The following ZNF570 variants were observed in gnomAD, a reference collection of about 807,000 sequenced individuals.
The protein encoded by ZNF570 is zinc finger protein 570.
ZNF570 carries 8 observed loss-of-function variants against 14.2 expected under a neutral mutation model. That is an observed-to-expected ratio of 0.56 (90% CI 0.33 to 1.02). The LOEUF (loss-of-function observed/expected upper bound fraction) is 1.02, where lower values mean the gene tolerates loss of function less well. Among genes scored for constraint, ZNF570 ranks in the 50% least tolerant of loss-of-function variants. The pLI, the probability that ZNF570 is intolerant of heterozygous loss-of-function variation, is 0.03. For synonymous variants in ZNF570, 202 were observed against 207.6 expected (o/e 0.97, Z 0.23); for missense variants, 559 against 624.9 (o/e 0.89, Z 1.12).
Position 37,485,743 on chromosome 19 carries a change from A to G in ZNF570, c.*510A>G, listed in dbSNP as rs1283913046. On this transcript the variant is annotated 3_prime_UTR_variant, in exon 5 of 5. Transcript: ENST00000330173. ...CAGCCTCAAAGTGTTCTTTTTAAAG[A>G]ATAAGAAAACACACATGGGCTGGGT... The G allele has an allele frequency of 6.6e-6, 1 of 152,278 alleles. No homozygotes were observed. Among genetic ancestry groups the G allele is most frequent in the Non-Finnish European group, 1.5e-5 (1 of 68,218 alleles). 9.4% of individuals were successfully genotyped at this position (152,278 alleles called of 1,614,324 possible).
chr19:37,484,112 G>A lies in ZNF570; in HGVS notation c.490G>A (p.Glu164Lys). 1 of 1,613,988 alleles carries A rather than the reference G, an allele frequency of 6.2e-7. No individual in the cohort carries two copies. Among genetic ancestry groups the A allele is most frequent in the Non-Finnish European group, 8.5e-7 (1 of 1,179,988 alleles). Reference protein sequence around the residue: ...EEPLFDEREQEYKSWGSFHQN... With the variant: ...EEPLFDEREQKYKSWGSFHQN... ...ACCCCTTTTTGATGAGAGAGAACAA[G>A]AATATAAATCTTGGGGAAGTTTTCA... The change falls in exon 5 of 5, where the codon GAA (glutamate) becomes AAA (lysine). Residue 164 changes from glutamate (E) to lysine (K), a missense_variant. Glu to Lys is a moderately conservative substitution (Grantham distance 56, BLOSUM62 1). Coordinates refer to ENST00000330173, the MANE Select transcript of ZNF570 (RefSeq NM_144694.5).
At chr19:37,473,614 G>C (rs968350479) in intron 2 of ZNF570, among the ~76,000 whole-genome samples, 19 of 152,102 alleles carry the variant, frequency 1.2e-4, no homozygotes, top group Admixed American at 1.2e-3. Flanking sequence ...GGTTATGAAG[G>C]GTTTGGTACT....
upstream of ZNF570, among the ~76,000 whole-genome samples, chr19:37,468,793 A>G (rs978832567): frequency 1.3e-5 from 2 of 152,200 alleles, no homozygotes; most frequent in African/African-American, 4.8e-5. Context: ...GGCGTGAGCC[A>G]CCGTGCCAGG....
chr19:37,486,416 G>T lies in ZNF570; in HGVS notation c.*1183G>T, dbSNP rs2042155692. On this transcript the variant is annotated 3_prime_UTR_variant, in exon 5 of 5. Transcript: ENST00000330173. Reference sequence around the variant, plus strand: ...AGTATTAAGTGAAATAGTGTCTGTTGTAGATTGATGCATATTAAATGAGAA... The same window carrying T: ...AGTATTAAGTGAAATAGTGTCTGTTTTAGATTGATGCATATTAAATGAGAA... 1 of 152,174 alleles carries T rather than the reference G, an allele frequency of 6.6e-6. No individual in the cohort carries two copies. The highest frequency in any genetic ancestry group is 2.4e-5 in the African/African-American group (1 of 41,442). The allele number at this position is 152,174 out of a possible 1,614,324, so 9.4% of individuals were successfully genotyped here. A position where few individuals can be genotyped will look rare whatever the true frequency, so the allele number is the denominator to read the frequency against.
chr19:37,475,977 C>G lies in ZNF570; in HGVS notation c.130C>G (p.Leu44Val). Residue 44 changes from leucine to valine, a missense_variant, in exon 3 of 5, where the codon CTA becomes GTA. Coordinates refer to ENST00000330173, the MANE Select transcript of ZNF570 (RefSeq NM_144694.5). ...AAGACATCTGTACAGTAATGTGATGCTAGAGAACTACAGGATCTTGGTATC... is the reference window on the plus strand; with the variant it reads ...AAGACATCTGTACAGTAATGTGATGGTAGAGAACTACAGGATCTTGGTATC... ...SQRHLYSNVM[L>V]ENYRILVSLG... The G allele has an allele frequency of 6.2e-7, 1 of 1,613,276 alleles. No individual in the cohort carries two copies. The highest frequency in any genetic ancestry group is 2.2e-5 in the East Asian group (1 of 44,846).
chr19:37,484,526 T>TA lies in ZNF570; in HGVS notation c.905dup (p.Tyr302Ter). The TA allele has an allele frequency of 6.2e-7, 1 of 1,614,070 alleles. No individual in the cohort carries two copies. Among genetic ancestry groups the TA allele is most frequent in the Non-Finnish European group, 8.5e-7 (1 of 1,179,998 alleles). The change falls in exon 5 of 5, where the codon TAC becomes TAAC. Residue 302 changes from tyrosine (Y) to a stop codon, truncating the protein, a stop_gained and frameshift_variant. Coordinates refer to ENST00000330173, the MANE Select transcript of ZNF570 (RefSeq NM_144694.5). LOFTEE classifies it low-confidence loss of function (END_TRUNC). ...GCGAGTTCATACTGGAGAAAAACCT[T>TA]ACGAATGTAAGGTATGTCGAAAAGC... Reference protein sequence around the residue: ...HLRVHTGEKPYECKVCRKAFS... With the variant: ...HLRVHTGEKP
At chr19:37,471,890 A>G (rs1460801551) in intron 2 of ZNF570, among the ~76,000 whole-genome samples, 1 of 151,692 alleles carries the variant, frequency 6.6e-6, no homozygotes, top group Non-Finnish European at 1.5e-5. Context: ...AGAGACTTCA[A>G]AATACATCCA....
chr19:37,473,554 T>C (rs1404591205), intron 2 of ZNF570, among the ~76,000 whole-genome samples: 2 of 152,092 alleles, frequency 1.3e-5, no homozygotes, highest in African/African-American at 4.8e-5. Context: ...TGGGGTATCA[T>C]AGGGCAACAG....
intron 2 of ZNF570, among the ~76,000 whole-genome samples, chr19:37,474,196 T>C (rs569043510): frequency 6.6e-6 from 1 of 152,340 alleles, no homozygotes; most frequent in South Asian, 2.1e-4. Context: ...AGGGGTCAAA[T>C]ATTTTAAGAT....
At position 37,485,055 on chromosome 19, in the gene ZNF570, C is replaced by G; in HGVS notation, c.1433C>G (p.Ala478Gly). Residue 478 changes from alanine to glycine, a missense_variant, in exon 5 of 5, where the codon GCT (alanine) becomes GGT (glycine). Transcript: ENST00000330173. ...KPYECTVCGK[A>G]FSYCGSLAQH... ...TATGAATGTACTGTTTGTGGAAAGG[C>G]TTTTAGTTACTGTGGATCCCTTGCC... 1 of 1,614,012 alleles carries G rather than the reference C, an allele frequency of 6.2e-7. No individual in the cohort carries two copies. Among genetic ancestry groups the G allele is most frequent in the South Asian group, 1.1e-5 (1 of 91,078 alleles).
rs75479441 is a variant in ZNF570 at position 37,486,484 on chromosome 19, G to T, written c.*1251G>T. ...TTCATATAGTCTGTCAAATATAGCA[G>T]ATATTCAATAAATGATAATAGCTAA... is the stretch of plus-strand genomic sequence containing the variant. On this transcript the variant is annotated 3_prime_UTR_variant, in exon 5 of 5. Coordinates refer to ENST00000330173, the MANE Select transcript of ZNF570 (RefSeq NM_144694.5). 3.3e-5 allele frequency: 5 copies of T among 152,152 alleles called. No individual in the cohort carries two copies. The highest frequency in any genetic ancestry group is 5.9e-5 in the Non-Finnish European group (4 of 68,024). 9.4% of individuals were successfully genotyped at this position (152,152 alleles called of 1,614,324 possible). A position where few individuals can be genotyped will look rare whatever the true frequency, so the allele number is the denominator to read the frequency against.
intron 1 of ZNF570, among the ~76,000 whole-genome samples, chr19:37,469,830 T>C (rs1026038300): frequency 6.6e-6 from 1 of 152,218 alleles, no homozygotes; most frequent in African/African-American, 2.4e-5. Flanking sequence ...GGCCTCTGAC[T>C]GTGGCGTGGG....
At chr19:37,476,199 T>C in intron 3 of ZNF570, 140 bp from the exon 4 acceptor site, 1 of 1,262,372 alleles carries the variant, frequency 7.9e-7, no homozygotes, top group Non-Finnish European at 1.1e-6. Flanking sequence ...ATCTTCCTTA[T>C]CCTTCTAATA....
chr19:37,470,378 C>A lies in ZNF570; in HGVS notation c.24C>A (p.Ala8=). 1 of 1,614,062 alleles carries A rather than the reference C, an allele frequency of 6.2e-7. No homozygotes were observed. Among genetic ancestry groups the A allele is most frequent in the African/African-American group, 1.3e-5 (1 of 75,046 alleles). ...GAATGGCTGTTGGGCTTCTTAAAGC[C>A]ATGTACCAGGTGTGTTGGTGTTTTC... is the stretch of plus-strand genomic sequence containing the variant. MAVGLLK[A]MYQELVTFRD... The change falls in exon 2 of 5, where the codon GCC becomes GCA. Residue 8 remains alanine (A), a synonymous_variant. Transcript: ENST00000330173.
At chr19:37,467,908 C>G (rs1471503398), upstream of ZNF570, 1 of 1,535,952 alleles carries the variant, frequency 6.5e-7, no homozygotes, top group African/African-American at 1.4e-5. Context: ...TGTATTTGTT[C>G]TTTCTGGACT....
rs938096645 is a variant in ZNF570 at position 37,469,373 on chromosome 19, T to G, written c.-236T>G. The G allele has an allele frequency of 4.2e-6, 6 of 1,434,854 alleles. No homozygotes were observed. The highest frequency in any genetic ancestry group is 1.4e-5 in the South Asian group (1 of 69,124). 88.9% of individuals were successfully genotyped at this position (1,434,854 alleles called of 1,614,324 possible). A position where few individuals can be genotyped will look rare whatever the true frequency, so the allele number is the denominator to read the frequency against. On this transcript the variant is annotated 5_prime_UTR_variant, in exon 1 of 5. Coordinates refer to ENST00000330173, the MANE Select transcript of ZNF570 (RefSeq NM_144694.5). Reference sequence around the variant, plus strand: ...GCTGAGGCGCTTCTTTCCGGGCCCGTAAGGGCTGGGTTCCATCCAACTAAG... The same window carrying G: ...GCTGAGGCGCTTCTTTCCGGGCCCGGAAGGGCTGGGTTCCATCCAACTAAG...
chr19:37,479,681 T>C (rs1396296583), intron 4 of ZNF570, among the ~76,000 whole-genome samples: 1 of 152,120 alleles, frequency 6.6e-6, no homozygotes, highest in African/African-American at 2.4e-5. Flanking sequence ...GGTATTTCAT[T>C]TGGTCATATG....
chr19:37,482,717 T>G (rs2042100994), intron 4 of ZNF570, among the ~76,000 whole-genome samples: 2 of 152,112 alleles, frequency 1.3e-5, no homozygotes, highest in African/African-American at 4.8e-5. Flanking sequence ...TGGTGGGAAG[T>G]GATTGGATCT....
At position 37,469,549 on chromosome 19, in the gene ZNF570, C is replaced by T. The variant is rs1029295278; in HGVS notation, c.-60C>T. ...GCAGGCCATCTGTGTGACTCCGGTG[C>T]GAGTGGAGGTTGGTACCGTTCAGTG... On this transcript the variant is annotated 5_prime_UTR_variant, in exon 1 of 5. Transcript: ENST00000330173. 4 of 1,536,270 alleles carry T rather than the reference C, an allele frequency of 2.6e-6. No individual in the cohort carries two copies. The highest frequency in any genetic ancestry group is 2.7e-5 in the African/African-American group (2 of 73,130).
Sources: allele counts gnomAD v4.1 joint callset (sites outside exome capture counted in the v4.1 genomes callset), GRCh38; gene constraint gnomAD v4.1.1; transcripts MANE v1.5; gene names NCBI Gene and HGNC (gene_info 2026-07-23, HGNC 2026-07-21).